The following EYS variants were observed in gnomAD, a reference collection of about 807,000 sequenced individuals.
EYS encodes the protein protein eyes shut homolog.
In EYS, 250 loss-of-function variants were observed where a neutral mutation model predicts 282.1. The ratio of observed to expected loss-of-function variants is 0.89; its 90% CI spans 0.80 to 0.98. EYS has a LOEUF of 0.98. Among genes scored for constraint, EYS ranks in the 50% least tolerant of loss-of-function variants. EYS has a pLI of 0.00. For missense variants in EYS, 4,016 were observed against 3,709.0 expected (o/e 1.08, Z -2.15); for synonymous variants, 1,355 against 1,282.9 (o/e 1.06, Z -1.20).
intron 13 of EYS, among the ~76,000 whole-genome samples, chr6:65,019,082 C>T (rs540665400): frequency 1.2e-4 from 18 of 152,052 alleles, no homozygotes; most frequent in Middle Eastern, 3.4e-3. Context: ...TGTATCAATC[C>T]GATGATTTCA....
At chr6:65,626,046 C>G (rs191341609) in intron 2 of EYS, among the ~76,000 whole-genome samples, 1 of 152,244 alleles carries the variant, frequency 6.6e-6, no homozygotes, top group African/African-American at 2.4e-5. Context: ...TTCCAGGTAG[C>G]AATCATGATC....
chr6:64,671,291 C>T lies in EYS; in HGVS notation c.3444-45046G>A, dbSNP rs1769449063. Among the ~76,000 whole-genome samples, 3 of 151,924 alleles carry T rather than the reference C, an allele frequency of 2.0e-5. No homozygotes were observed. The South Asian group carries it at 6.2e-4, about 32-fold the overall frequency. On this transcript the variant is annotated intron_variant, in intron 22 of 42. Coordinates refer to ENST00000503581, the MANE Select transcript of EYS (RefSeq NM_001142800.2). ...AGAGGATTAGGTCAGGAAGGTGGAG[C>T]CCTCATGAATGAAACAGTACCCTTA...
At chr6:65,408,179 T>C (rs1361158266) in intron 5 of EYS, among the ~76,000 whole-genome samples, 1 of 152,132 alleles carries the variant, frequency 6.6e-6, no homozygotes, top group Non-Finnish European at 1.5e-5. Flanking sequence ...TTATATGTGA[T>C]TGGATTCAAT....
chr6:64,498,923 C>T (rs35014638), intron 26 of EYS, among the ~76,000 whole-genome samples: 36,053 of 151,996 alleles, frequency 0.24, 5,126 homozygotes, highest in East Asian at 0.35. Flanking sequence ...GCAATAAACA[C>T]GTGTGCATGT....
At chr6:63,750,859 AT>A (rs1332500114) in intron 41 of EYS, among the ~76,000 whole-genome samples, 1 of 152,118 alleles carries the variant, frequency 6.6e-6, no homozygotes, top group African/African-American at 2.4e-5. Context: ...ATTATTGTTA[AT>A]TTGGTGTCTT....
intron 35 of EYS, among the ~76,000 whole-genome samples, chr6:63,970,986 A>G (rs1051214507): frequency 6.6e-6 from 1 of 152,234 alleles, no homozygotes; most frequent in African/African-American, 2.4e-5. Flanking sequence ...TTTGAGAAGC[A>G]ATATTAAGAT....
chr6:64,564,798 G>A (rs1316437865), intron 26 of EYS, among the ~76,000 whole-genome samples: 1 of 151,806 alleles, frequency 6.6e-6, no homozygotes, highest in African/African-American at 2.4e-5. Context: ...TTGGGGTGGG[G>A]GTCGGGGGCT....
chr6:64,192,784 G>A (rs1765156244), intron 31 of EYS, among the ~76,000 whole-genome samples: 1 of 152,128 alleles, frequency 6.6e-6, no homozygotes, highest in Admixed American at 6.5e-5. Context: ...AGACCCACTT[G>A]GAATTGATTT....
At position 63,835,455 on chromosome 6, in the gene EYS, C is replaced by T. The variant is rs532149860; in HGVS notation, c.7228+28731G>A. On this transcript the variant is annotated intron_variant, in intron 36 of 42. Coordinates refer to ENST00000503581, the MANE Select transcript of EYS (RefSeq NM_001142800.2). The stretch of plus-strand genomic sequence containing the variant: ...TGAAATTAGAAACTATTAATTCTTT[C>T]GTTCTTTAAGTGACGTAACTCAGGA... Among the ~76,000 whole-genome samples the T allele has an allele frequency of 1.3e-4, 20 of 151,956 alleles. No homozygotes were observed. In the South Asian group the frequency reaches 3.3e-3, roughly 25 times the overall value.
intron 5 of EYS, among the ~76,000 whole-genome samples, chr6:65,486,310 T>G (rs542802892): frequency 6.6e-6 from 1 of 152,336 alleles, no homozygotes; most frequent in African/African-American, 2.4e-5. Flanking sequence ...TTTTCTTGCT[T>G]CTTTTCATCA....
intron 2 of EYS, among the ~76,000 whole-genome samples, chr6:65,506,753 T>C (rs1766675225): frequency 6.6e-6 from 1 of 151,990 alleles, no homozygotes; most frequent in Non-Finnish European, 1.5e-5. Flanking sequence ...ATTACAGGCA[T>C]GAGCCATCAC....
At chr6:63,887,624 C>T (rs569948199) in intron 35 of EYS, among the ~76,000 whole-genome samples, 1 of 152,326 alleles carries the variant, frequency 6.6e-6, no homozygotes, top group East Asian at 1.9e-4. Flanking sequence ...TGCACTCTGG[C>T]CCAAATACTA....
At chr6:64,645,699 A>G (rs1562109830) in intron 22 of EYS, among the ~76,000 whole-genome samples, 1 of 95,912 alleles carries the variant, frequency 1.0e-5, no homozygotes, top group Non-Finnish European at 2.3e-5. Context: ...AATAAGTGTA[A>G]TAATAAATGA....
At chr6:65,244,578 T>G (rs764828310) in intron 12 of EYS, among the ~76,000 whole-genome samples, 2 of 152,150 alleles carry the variant, frequency 1.3e-5, no homozygotes. Flanking sequence ...AGTGGCGCGA[T>G]CTCTGCTGAC....
At chr6:64,366,865 A>T (rs969935809) in intron 29 of EYS, among the ~76,000 whole-genome samples, 1 of 152,128 alleles carries the variant, frequency 6.6e-6, no homozygotes, top group African/African-American at 2.4e-5. Flanking sequence ...TTCGTTGATC[A>T]TGACAAAGTT....
intron 14 of EYS, among the ~76,000 whole-genome samples, chr6:64,947,942 T>C (rs1769346104): frequency 6.6e-6 from 1 of 151,862 alleles, no homozygotes; most frequent in Non-Finnish European, 1.5e-5. Context: ...ATTTTTATTT[T>C]GATGCCTCAA....
chr6:64,218,979 T>C (rs9359831), intron 31 of EYS, among the ~76,000 whole-genome samples: 47,905 of 151,954 alleles, frequency 0.32, 7,552 homozygotes, highest in East Asian at 0.5. Flanking sequence ...TGTACTTCCC[T>C]GAGAGCTGCT....
chr6:64,256,008 T>A (rs1767387952), intron 30 of EYS, among the ~76,000 whole-genome samples: 1 of 152,052 alleles, frequency 6.6e-6, no homozygotes, highest in Non-Finnish European at 1.5e-5. Context: ...GAGCTACTGA[T>A]TCAGCAATGA....
chr6:64,305,544 A>C (rs1284705687), intron 30 of EYS, among the ~76,000 whole-genome samples: 2 of 152,194 alleles, frequency 1.3e-5, no homozygotes, highest in Non-Finnish European at 2.9e-5. Flanking sequence ...CAACATATTG[A>C]CTAATGGAGT....
Sources: gnomAD v4.1 joint callset for allele counts (sites outside exome capture counted in the v4.1 genomes callset) on GRCh38, gnomAD v4.1.1 for gene constraint, MANE v1.5 for transcripts, NCBI Gene and HGNC (gene_info 2026-07-23, HGNC 2026-07-21) for gene names.